Variants in ERG observed in about 807,000 individuals in gnomAD.
ERG encodes transcriptional regulator ERG.
A neutral mutation model predicts 55.3 loss-of-function variants in ERG; 9 were observed. The observed-to-expected ratio is 0.16, with a 90% confidence interval of 0.10 to 0.28. ERG has a LOEUF of 0.28. ERG is among the 10% of genes least tolerant of loss of function. ERG has a pLI of 1.00. For missense variants in ERG, 434 were observed against 631.6 expected, an observed-to-expected ratio of 0.69 and a Z score of 3.35; for synonymous variants, 223 against 237.3, an observed-to-expected ratio of 0.94 and a Z score of 0.55.
At chr21:38,427,700 C>T (rs1036064635) in intron 2 of ERG, among the ~76,000 whole-genome samples, 1 of 152,162 alleles carries the variant, frequency 6.6e-6, no homozygotes, top group Admixed American at 6.5e-5. Context: ...GCATCAGGGA[C>T]TCCCTGACCC....
downstream of ERG, among the ~76,000 whole-genome samples, chr21:38,376,528 A>G (rs2146400031): frequency 6.6e-6 from 1 of 152,362 alleles, no homozygotes; most frequent in African/African-American, 2.4e-5. Flanking sequence ...CTGCAGGCTT[A>G]ACCCATGTTC....
chr21:38,489,125 C>T (rs969587606), intron 1 of ERG, among the ~76,000 whole-genome samples: 1 of 152,198 alleles, frequency 6.6e-6, no homozygotes, highest in African/African-American at 2.4e-5. Flanking sequence ...AAGTATCTGT[C>T]TACAAACCCT....
chr21:38,592,035 T>C (rs903677380), intron 1 of ERG, among the ~76,000 whole-genome samples: 1 of 152,208 alleles, frequency 6.6e-6, no homozygotes, highest in African/African-American at 2.4e-5. Context: ...GGAAATGCCA[T>C]GTTTCACAGC....
intron 9 of ERG, among the ~76,000 whole-genome samples, chr21:38,387,298 T>C (rs1433844630): frequency 6.6e-6 from 1 of 152,172 alleles, no homozygotes; most frequent in Non-Finnish European, 1.5e-5. Context: ...GAAGATCCCG[T>C]GTGCATGGCC....
intron 1 of ERG, among the ~76,000 whole-genome samples, chr21:38,628,427 T>C (rs776939120): frequency 6.6e-6 from 1 of 152,182 alleles, no homozygotes; most frequent in African/African-American, 2.4e-5. Context: ...TAATGACTGA[T>C]GGGCTCCATA....
At chr21:38,540,177 G>A (rs907981208) in intron 2 of ERG, among the ~76,000 whole-genome samples, 1 of 152,028 alleles carries the variant, frequency 6.6e-6, no homozygotes, top group Non-Finnish European at 1.5e-5. Context: ...ATTACAGGCT[G>A]AGCCACTGTG....
At chr21:38,503,175 T>C (rs1241187821), upstream of ERG, among the ~76,000 whole-genome samples, 1 of 152,182 alleles carries the variant, frequency 6.6e-6, no homozygotes, top group Non-Finnish European at 1.5e-5. Flanking sequence ...AAAACATAAA[T>C]TTGTAATAAA....
At chr21:38,396,352 A>G (rs2836365) in intron 6 of ERG, among the ~76,000 whole-genome samples, 43,651 of 152,166 alleles carry the variant, frequency 0.29, 6,540 homozygotes, top group South Asian at 0.37. Flanking sequence ...AAAGAATGCA[A>G]TTTTAGCCAT....
At chr21:38,545,742 CT>C (rs1244974014) in intron 2 of ERG, among the ~76,000 whole-genome samples, 1 of 152,182 alleles carries the variant, frequency 6.6e-6, no homozygotes, top group Non-Finnish European at 1.5e-5. Flanking sequence ...TGCAACTTGG[CT>C]TCTACTGAGC....
chr21:38,558,425 G>A (rs947959366), intron 2 of ERG, among the ~76,000 whole-genome samples: 2 of 152,186 alleles, frequency 1.3e-5, no homozygotes, highest in African/African-American at 4.8e-5. Context: ...AAGACAGGGT[G>A]AATCACAGTC....
At chr21:38,631,197 C>T (rs879245592) in intron 1 of ERG, among the ~76,000 whole-genome samples, 27 of 152,162 alleles carry the variant, frequency 1.8e-4, no homozygotes, top group Admixed American at 1.8e-3. Flanking sequence ...GCATCTTGCC[C>T]TTGAGAAAAA....
chr21:38,510,222 A>G (rs1255563273), intron 2 of ERG, among the ~76,000 whole-genome samples: 2 of 152,250 alleles, frequency 1.3e-5, no homozygotes, highest in African/African-American at 2.4e-5. Context: ...ATGCCTATAG[A>G]CAACGTGTTG....
intron 2 of ERG, among the ~76,000 whole-genome samples, chr21:38,572,109 C>A (rs2059961468): frequency 6.6e-6 from 1 of 151,550 alleles, no homozygotes; most frequent in Non-Finnish European, 1.5e-5. Context: ...GTAATCCCAG[C>A]ACTTTGGGAG....
At chr21:38,449,069 T>C (rs1015223410) in intron 1 of ERG, 14 of 152,232 alleles carry the variant, frequency 9.2e-5, no homozygotes, top group Non-Finnish European at 7.3e-5. Context: ...TTAGTTAGCA[T>C]GTATAGATTG....
rs78249710 is a variant in ERG, at chr21:38,439,111, A to C, written c.236+6293T>G. 4.9e-3 allele frequency among the ~76,000 whole-genome samples: 753 copies of C among 152,192 alleles called. 7 individuals are homozygous for C. Among genetic ancestry groups the C allele is most frequent in the African/African-American group, 0.017 (709 of 41,528 alleles). On this transcript the variant is annotated intron_variant, in intron 2 of 9. Transcript: ENST00000288319. Reference sequence around the variant, plus strand: ...GACTCACAGCATGGCACATAAATTGACTGAGTTCCACCTGCAGTGAGCCTC... The same window carrying C: ...GACTCACAGCATGGCACATAAATTGCCTGAGTTCCACCTGCAGTGAGCCTC...
chr21:38,405,631 C>A (rs535164836), intron 3 of ERG, among the ~76,000 whole-genome samples: 3 of 152,122 alleles, frequency 2.0e-5, no homozygotes, highest in Non-Finnish European at 4.4e-5. Context: ...GTCCTCCAAC[C>A]GCGGAAGCAT....
chr21:38,599,676 G>A (rs532138671), intron 1 of ERG, among the ~76,000 whole-genome samples: 4 of 152,136 alleles, frequency 2.6e-5, no homozygotes, highest in Admixed American at 6.5e-5. Context: ...GAAACAGGAC[G>A]AACAATAGGC....
At position 38,445,452 on chromosome 21, in the gene ERG, C is replaced by A; in HGVS notation, c.188G>T (p.Arg63Met). ...GTTACATTCCATTTTGATGGTGACC[C>A]TGGCTGGGGGTTGAGACAGCCAATC... The part of the protein sequence containing the change: ...QQDWLSQPPA[R>M]VTIKMECNPS... The change falls in exon 2 of 10, where the codon AGG becomes ATG. Residue 63 changes from arginine (R) to methionine (M), a missense_variant. Physicochemically the swap from Arg to Met is moderately conservative, Grantham distance 91. Coordinates refer to ENST00000288319, the MANE Select transcript of ERG (RefSeq NM_182918.4). The A allele has an allele frequency of 6.2e-7, 1 of 1,614,188 alleles. No homozygotes were observed. Among genetic ancestry groups the A allele is most frequent in the South Asian group, 1.1e-5 (1 of 91,084 alleles).
At chr21:38,371,616 G>A in the ERG span, among the ~76,000 whole-genome samples, 1 of 152,060 alleles carries the variant, frequency 6.6e-6, no homozygotes, top group East Asian at 1.9e-4. Flanking sequence ...TATGTATTCA[G>A]ATAATCATAC....
Sources: allele counts gnomAD v4.1 joint callset (sites outside exome capture counted in the v4.1 genomes callset), GRCh38; gene constraint gnomAD v4.1.1; transcripts MANE v1.5; gene names NCBI Gene and HGNC (gene_info 2026-07-23, HGNC 2026-07-21).